PFN2: variants seen among roughly 807,000 people sequenced by gnomAD.
PFN2 encodes profilin 2.
In PFN2, 8 loss-of-function variants were observed where a neutral mutation model predicts 15.3. That is an observed-to-expected ratio of 0.52 (90% CI 0.31 to 0.95). The LOEUF (loss-of-function observed/expected upper bound fraction) is 0.95. Ranked by LOEUF, PFN2 falls within the 40% of genes least tolerant of loss-of-function variation. The pLI is 0.05. For synonymous variants in PFN2, 79 were observed against 67.9 expected, an observed-to-expected ratio of 1.16 and a Z score of -0.81; for missense variants, 111 against 182.3, an observed-to-expected ratio of 0.61 and a Z score of 2.25.
chr3:149,965,125 A>G lies in PFN2; in HGVS notation c.*1364T>C. On this transcript the variant is annotated 3_prime_UTR_variant, in exon 3 of 3. Transcript: ENST00000239940. ...GCAAATACTAGAATGTCCCTAAAGT[A>G]GTGCCATTCGAAAGAAACCCTTAAT... is the stretch of plus-strand genomic sequence containing the variant. The G allele has an allele frequency of 1.1e-6, 1 of 889,064 alleles. No homozygotes were observed. The highest frequency in any genetic ancestry group is 1.7e-6 in the Non-Finnish European group (1 of 600,204). The allele number at this position is 889,064 out of a possible 1,614,324, so 55.1% of individuals were successfully genotyped here. A position where few individuals can be genotyped will look rare whatever the true frequency, so the allele number is the denominator to read the frequency against.
At chr3:149,968,273 T>G (rs981333781) in intron 2 of PFN2, 85 bp downstream of exon 2, 19 of 1,276,308 alleles carry the variant, frequency 1.5e-5, no homozygotes, top group Non-Finnish European at 2.1e-5. Context: ...CATTATGGAC[T>G]AACTTTTATT....
chr3:149,966,052 A>G lies in PFN2; in HGVS notation c.*437T>C, dbSNP rs567923895. ...ATGATCCATTGGGCAAACAGGAATC[A>G]TGACATTAGAAAATAGGTAAAGAAA... On this transcript the variant is annotated 3_prime_UTR_variant, in exon 3 of 3. Coordinates refer to ENST00000239940, the MANE Select transcript of PFN2 (RefSeq NM_053024.4). The G allele has an allele frequency of 2.6e-6, 4 of 1,515,976 alleles. No individual in the cohort carries two copies. In the South Asian group the frequency reaches 5.4e-5, roughly 20 times the overall value. The allele number at this position is 1,515,976 out of a possible 1,614,324, so 93.9% of individuals were successfully genotyped here. A position where few individuals can be genotyped will look rare whatever the true frequency, so the allele number is the denominator to read the frequency against.
chr3:149,966,200 T>C lies in PFN2; in HGVS notation c.*289A>G. Reference sequence around the variant, plus strand: ...CAGACCTCCTCAGGTATAAAGCGAGTTCATATGCTTTCTTGTTAAGTGTGC... The same window carrying C: ...CAGACCTCCTCAGGTATAAAGCGAGCTCATATGCTTTCTTGTTAAGTGTGC... On this transcript the variant is annotated 3_prime_UTR_variant, in exon 3 of 3. Transcript: ENST00000239940. 1.2e-6 allele frequency: 2 copies of C among 1,613,594 alleles called. No homozygotes were observed. The highest frequency in any genetic ancestry group is 8.5e-7 in the Non-Finnish European group (1 of 1,179,652).
intron 2 of PFN2, chr3:149,968,090 C>G (rs1215445564): frequency 2.0e-5 from 7 of 348,080 alleles, no homozygotes; most frequent in African/African-American, 4.2e-5. Context: ...ACATGTCAAG[C>G]AGTTTAAGAG....
At chr3:149,970,494 G>A (rs1722831799) in intron 1 of PFN2, 3 of 329,316 alleles carry the variant, frequency 9.1e-6, no homozygotes, top group Non-Finnish European at 1.6e-5. Context: ...CCCGGCCAGG[G>A]CCAGCAAGGA....
chr3:149,965,258 T>C lies in PFN2; in HGVS notation c.*1231A>G. 1 of 1,535,374 alleles carries C rather than the reference T, an allele frequency of 6.5e-7. No homozygotes were observed. Among genetic ancestry groups the C allele is most frequent in the Non-Finnish European group, 8.7e-7 (1 of 1,146,518 alleles). ...CACAAGACAGCCAAGTCCACAATAA[T>C]GCAACTTCATATAAAAACTCAAGCT... On this transcript the variant is annotated 3_prime_UTR_variant, in exon 3 of 3. Transcript: ENST00000239940.
chr3:149,968,331 C>T, intron 2 of PFN2, 27 bp downstream of exon 2: 2 of 1,600,214 alleles, frequency 1.2e-6, no homozygotes, highest in Non-Finnish European at 1.7e-6. Flanking sequence ...TGGCATGCAA[C>T]TTTAACCAAA....
intron 1 of PFN2, among the ~76,000 whole-genome samples, chr3:149,969,831 G>A (rs1181477475): frequency 1.3e-5 from 2 of 152,072 alleles, no homozygotes; most frequent in Admixed American, 6.5e-5. Context: ...AGAAAATCAG[G>A]CAATGTGAAG....
At position 149,966,208 on chromosome 3, in the gene PFN2, C is replaced by G. The variant is rs367892407; in HGVS notation, c.*281G>C. ...CTCAGGTATAAAGCGAGTTCATATG[C>G]TTTCTTGTTAAGTGTGCCTCCGTGG... On this transcript the variant is annotated 3_prime_UTR_variant, in exon 3 of 3. Transcript: ENST00000239940. The G allele has an allele frequency of 1.2e-6, 2 of 1,613,794 alleles. No homozygotes were observed. Among genetic ancestry groups the G allele is most frequent in the Non-Finnish European group, 1.7e-6 (2 of 1,179,718 alleles).
chr3:149,970,472 A>C, intron 1 of PFN2: 2 of 289,774 alleles, frequency 6.9e-6, no homozygotes, highest in Non-Finnish European at 6.3e-6. Flanking sequence ...GACGCTGGGA[A>C]CGCCGGGGGC....
rs1406619479 is a variant in PFN2 at position 149,965,588 on chromosome 3, CTAAAAGCAAACT to C, written c.*889_*900del. The C allele has an allele frequency of 7.5e-6, 9 of 1,201,538 alleles. No homozygotes were observed. The highest frequency in any genetic ancestry group is 8.3e-6 in the Non-Finnish European group (8 of 967,716). 74.4% of individuals were successfully genotyped at this position (1,201,538 alleles called of 1,614,324 possible). ...TCTCTGCTCAAGTGCAACAACAATA[CTAAAAGCAAACT>C]ACTGCAGCTCTCAATAGCTCATCAA... On this transcript the variant is annotated 3_prime_UTR_variant, in exon 3 of 3. Coordinates refer to ENST00000239940, the MANE Select transcript of PFN2 (RefSeq NM_053024.4).
Position 149,965,998 on chromosome 3 carries a change from G to C in PFN2, c.*491C>G. The C allele has an allele frequency of 7.1e-7, 1 of 1,410,954 alleles. No individual in the cohort carries two copies. The highest frequency in any genetic ancestry group is 9.2e-7 in the Non-Finnish European group (1 of 1,086,590). 87.4% of individuals were successfully genotyped at this position (1,410,954 alleles called of 1,614,324 possible). On this transcript the variant is annotated 3_prime_UTR_variant, in exon 3 of 3. Transcript: ENST00000239940. ...GCTGCAATTATGTTGCCAGATAAGG[G>C]TTGGTTACATACAGTGGTTAACATA...
Position 149,968,350 on chromosome 3 carries a change from T to C in PFN2, c.325+8A>G, listed in dbSNP as rs1722749016. 6.2e-7 allele frequency: 1 copy of C among 1,611,904 alleles called. No homozygotes were observed. The highest frequency in any genetic ancestry group is 8.5e-7 in the Non-Finnish European group (1 of 1,178,696). The stretch of plus-strand genomic sequence containing the variant: ...ATGCAACTTTAACCAAAAGAATGCC[T>C]TACTCACCTCTACCAGCTCTGCCGA... On this transcript the variant is annotated splice_region_variant and intron_variant, in intron 2 of 2. Transcript: ENST00000239940.
In PFN2 at chr3:149,966,183, C is replaced by T; in HGVS notation, c.*306G>A. ...AGAGGCTGCTTACACATCAGACCTCCTCAGGTATAAAGCGAGTTCATATGC... is the reference window on the plus strand; with the variant it reads ...AGAGGCTGCTTACACATCAGACCTCTTCAGGTATAAAGCGAGTTCATATGC... On this transcript the variant is annotated 3_prime_UTR_variant, in exon 3 of 3. Transcript: ENST00000239940. The T allele has an allele frequency of 6.2e-7, 1 of 1,613,562 alleles. No homozygotes were observed. The highest frequency in any genetic ancestry group is 8.5e-7 in the Non-Finnish European group (1 of 1,179,644).
intron 2 of PFN2, among the ~76,000 whole-genome samples, chr3:149,967,282 G>A (rs1165498165): frequency 6.6e-6 from 1 of 152,164 alleles, no homozygotes; most frequent in Non-Finnish European, 1.5e-5. Flanking sequence ...ACTACCACTA[G>A]ATGTCAGTAG....
chr3:149,967,936 T>G (rs1722736782), intron 2 of PFN2, among the ~76,000 whole-genome samples: 1 of 152,132 alleles, frequency 6.6e-6, no homozygotes, highest in Admixed American at 6.5e-5. Context: ...TTTTCCTTCT[T>G]TATGCTGAGT....
chr3:149,969,296 G>A (rs969162754), intron 1 of PFN2, among the ~76,000 whole-genome samples: 3 of 152,138 alleles, frequency 2.0e-5, no homozygotes, highest in Non-Finnish European at 4.4e-5. Flanking sequence ...AAGAAACTGA[G>A]GTAGCCACCA....
intron 1 of PFN2, among the ~76,000 whole-genome samples, chr3:149,970,046 A>AT: frequency 6.7e-6 from 1 of 150,346 alleles, no homozygotes; most frequent in Non-Finnish European, 1.5e-5. Context: ...ATCTTGGAGA[A>AT]TTTAAAAAAA....
chr3:149,968,452 A>C lies in PFN2; in HGVS notation c.231T>G (p.Ser77Arg), dbSNP rs1722751548. The change falls in exon 2 of 3, where the codon AGT becomes AGG. Residue 77 changes from serine (S) to arginine (R), a missense_variant. Physicochemically the swap from Ser to Arg is moderately radical, Grantham distance 110 (BLOSUM62 -1). Coordinates refer to ENST00000239940, the MANE Select transcript of PFN2 (RefSeq NM_053024.4). ...TTGTGCAGTCACCATCGACGTATAGACTATCTCTGATCACTGAGCATTTCT... is the reference window on the plus strand; with the variant it reads ...TTGTGCAGTCACCATCGACGTATAGCCTATCTCTGATCACTGAGCATTTCT... ...GAKKCSVIRD[S>R]LYVDGDCTMD... is the part of the protein sequence containing the mutation. 6.2e-7 allele frequency: 1 copy of C among 1,613,940 alleles called. No homozygotes were observed.
Sources: allele counts gnomAD v4.1 joint callset (sites outside exome capture counted in the v4.1 genomes callset), GRCh38; gene constraint gnomAD v4.1.1; transcripts MANE v1.5; gene names NCBI Gene and HGNC (gene_info 2026-07-23, HGNC 2026-07-21).